GPM6A: variants seen among roughly 807,000 people sequenced by gnomAD.
GPM6A encodes the protein glycoprotein M6A, also known as neuronal membrane glycoprotein M6-a.
Under a neutral mutation model 32.1 loss-of-function variants are expected in GPM6A, and 7 were observed. The observed-to-expected ratio is 0.22, with a 90% CI of 0.12 to 0.41. GPM6A has a LOEUF of 0.41. Ranked by LOEUF, GPM6A falls within the 10% of genes least tolerant of loss-of-function variation. GPM6A has a pLI of 1.00. For missense variants in GPM6A, 235 were observed against 347.2 expected (o/e 0.68, Z 2.57); for synonymous variants, 130 against 123.4 (o/e 1.05, Z -0.35).
At chr4:175,690,214 CAT>C (rs1202557212) in intron 2 of GPM6A, among the ~76,000 whole-genome samples, 1 of 152,216 alleles carries the variant, frequency 6.6e-6, no homozygotes, top group Non-Finnish European at 1.5e-5. Context: ...TCAATTGAAA[CAT>C]ATGAGACTGC....
intron 1 of GPM6A, among the ~76,000 whole-genome samples, chr4:175,863,176 C>T (rs1736625386): frequency 6.6e-6 from 1 of 152,124 alleles, no homozygotes; most frequent in Non-Finnish European, 1.5e-5. Context: ...AATCACCACA[C>T]TATAGATAAC....
intron 1 of GPM6A, among the ~76,000 whole-genome samples, chr4:175,715,868 C>A (rs1266472208): frequency 1.3e-5 from 2 of 152,000 alleles, no homozygotes; most frequent in Admixed American, 6.6e-5. Flanking sequence ...GAGTTTGAGA[C>A]CAGCCTGACC....
intron 1 of GPM6A, among the ~76,000 whole-genome samples, chr4:175,916,062 A>G (rs567997094): frequency 9.9e-5 from 15 of 152,274 alleles, no homozygotes; most frequent in African/African-American, 3.6e-4. Context: ...TTATTCTCCT[A>G]TCTCCACAGC....
In GPM6A at chr4:175,668,976, C is replaced by T. The variant is rs537196415; in HGVS notation, c.387+4704G>A. ...GCCAGATGCTTGAATTCAAATCTGG[C>T]TTCATCACCCACCATGTACCCCAGG... On this transcript the variant is annotated intron_variant, in intron 3 of 6. Coordinates refer to ENST00000393658, the MANE Select transcript of GPM6A (RefSeq NM_201591.3). Among the ~76,000 whole-genome samples the T allele has an allele frequency of 1.7e-3, 259 of 152,248 alleles. 1 individual carries two copies. Among genetic ancestry groups the T allele is most frequent in the Non-Finnish European group, 2.3e-3 (156 of 68,010 alleles).
chr4:175,894,831 T>C (rs910486294), intron 1 of GPM6A, among the ~76,000 whole-genome samples: 3 of 152,168 alleles, frequency 2.0e-5, no homozygotes, highest in Admixed American at 6.5e-5. Flanking sequence ...CCCATTTTCT[T>C]ATATAAGGGT....
chr4:175,795,414 T>G (rs948246112), intron 1 of GPM6A, among the ~76,000 whole-genome samples: 21 of 152,132 alleles, frequency 1.4e-4, no homozygotes, highest in Non-Finnish European at 7.4e-5. Flanking sequence ...ATGAATAGAA[T>G]ATGGCAGAAG....
intron 1 of GPM6A, among the ~76,000 whole-genome samples, chr4:175,737,188 T>A (rs1731694711): frequency 1.3e-5 from 2 of 152,180 alleles, no homozygotes; most frequent in South Asian, 4.1e-4. Flanking sequence ...CACTTCTTGG[T>A]CACTGTATTA....
intron 1 of GPM6A, among the ~76,000 whole-genome samples, chr4:175,724,247 TA>T (rs1477173450): frequency 6.6e-6 from 1 of 152,160 alleles, no homozygotes; most frequent in East Asian, 1.9e-4. Context: ...ATGTGGAATG[TA>T]AAAAAGTTGA....
upstream of GPM6A, among the ~76,000 whole-genome samples, chr4:175,815,543 T>G (rs1282242109): frequency 6.6e-6 from 1 of 152,022 alleles, no homozygotes; most frequent in African/African-American, 2.4e-5. Flanking sequence ...CTCTTTCCAT[T>G]GTATCGTATT....
intron 1 of GPM6A, among the ~76,000 whole-genome samples, chr4:175,940,157 G>T (rs1739360573): frequency 6.6e-6 from 1 of 152,094 alleles, no homozygotes; most frequent in South Asian, 2.1e-4. Context: ...GGAGTCAGGG[G>T]AGTCATAAAA....
At chr4:175,755,977 G>C (rs1401188031) in intron 1 of GPM6A, among the ~76,000 whole-genome samples, 5 of 152,148 alleles carry the variant, frequency 3.3e-5, no homozygotes, top group Non-Finnish European at 5.9e-5. Flanking sequence ...GGCAAGCTTT[G>C]TATTGAGCCT....
chr4:175,927,127 T>A (rs73014053), intron 1 of GPM6A, among the ~76,000 whole-genome samples: 1 of 152,218 alleles, frequency 6.6e-6, no homozygotes, highest in African/African-American at 2.4e-5. Flanking sequence ...ATGTTTTTAC[T>A]CATAGAGTGC....
chr4:175,734,822 G>A (rs534258715), intron 1 of GPM6A, among the ~76,000 whole-genome samples: 8 of 152,016 alleles, frequency 5.3e-5, no homozygotes, highest in South Asian at 2.1e-4. Flanking sequence ...GCAGTGAGCC[G>A]AGATTGAGCC....
At chr4:175,792,493 G>A (rs1462021274) in intron 1 of GPM6A, among the ~76,000 whole-genome samples, 1 of 151,990 alleles carries the variant, frequency 6.6e-6, no homozygotes, top group East Asian at 1.9e-4. Context: ...TATTTTTAAT[G>A]GACTTGGGAA....
At chr4:175,996,499 C>A (rs1000173955) in intron 1 of GPM6A, among the ~76,000 whole-genome samples, 4 of 152,112 alleles carry the variant, frequency 2.6e-5, no homozygotes, top group Admixed American at 2.6e-4. Context: ...AGTTTATGAC[C>A]AACTCCACTC....
At chr4:175,787,377 G>A in intron 1 of GPM6A, 1 of 1,535,074 alleles carries the variant, frequency 6.5e-7, no homozygotes, top group Non-Finnish European at 8.7e-7. Context: ...CCGGCCGCTG[G>A]CTCCTTGTGA....
At position 175,728,423 on chromosome 4, in the gene GPM6A, T is replaced by A. The variant is rs531872140; in HGVS notation, c.38-26656A>T. 5.9e-5 allele frequency among the ~76,000 whole-genome samples: 9 copies of A among 152,192 alleles called. No individual in the cohort carries two copies. The South Asian group carries it at 1.0e-3, about 18-fold the overall frequency. On this transcript the variant is annotated intron_variant, in intron 1 of 6. Transcript: ENST00000393658. ...ATAGAGCTTCTGAAGCCGGAGTACA[T>A]GATTTTGTTTTCCAACCTTTGTGTT...
intron 1 of GPM6A, among the ~76,000 whole-genome samples, chr4:175,773,158 G>A (rs991383398): frequency 1.3e-5 from 2 of 152,162 alleles, no homozygotes; most frequent in African/African-American, 4.8e-5. Context: ...ACAGGCTGCA[G>A]TGCATATTAA....
chr4:175,637,629 AT>A (rs1191792997), intron 6 of GPM6A, among the ~76,000 whole-genome samples: 2 of 26,740 alleles, frequency 7.5e-5, no homozygotes, highest in African/African-American at 2.2e-4. Flanking sequence ...TATATATTAT[AT>A]ATATATTATA....
Sources: gnomAD v4.1 joint callset for allele counts (sites outside exome capture counted in the v4.1 genomes callset) on GRCh38, gnomAD v4.1.1 for gene constraint, MANE v1.5 for transcripts, NCBI Gene and HGNC (gene_info 2026-07-23, HGNC 2026-07-21) for gene names.